THADA: variants seen among roughly 807,000 people sequenced by gnomAD.
THADA encodes the protein tRNA (32-2'-O)-methyltransferase regulator THADA.
A neutral mutation model predicts 219.8 loss-of-function variants in THADA; 213 were observed. That is an observed-to-expected ratio of 0.97 (90% CI 0.87 to 1.09). THADA has a LOEUF of 1.09. THADA is among the 50% of genes least tolerant of loss of function. The probability of loss-of-function intolerance (pLI) is 0.00; values close to 1 mark genes in which losing one functional copy is unlikely to be tolerated. For missense variants in THADA, 2,956 were observed against 2,311.3 expected (o/e 1.28, Z -5.72); for synonymous variants, 1,018 against 828.9 (o/e 1.23, Z -3.92).
At chr2:43,233,520 T>C (rs1248339010) in intron 36 of THADA, 1 of 152,190 alleles carries the variant, frequency 6.6e-6, no homozygotes, top group African/African-American at 2.4e-5. Flanking sequence ...GTAAAAACCA[T>C]TGATAGCTCA....
intron 36 of THADA, among the ~76,000 whole-genome samples, chr2:43,251,944 G>A (rs568675814): frequency 2.0e-5 from 3 of 152,254 alleles, no homozygotes; most frequent in Admixed American, 1.3e-4. Flanking sequence ...CCCGGCAGAA[G>A]CTACCATTCT....
Position 43,550,492 on chromosome 2 carries a change from G to C in THADA, c.2948-1124C>G, listed in dbSNP as rs537692275. ...AGAATCCTATCCATTCAATTTTACA[G>C]CTTTCAGGGGAGACTTTCCTCATGC... On this transcript the variant is annotated intron_variant, in intron 19 of 37. Coordinates refer to ENST00000405975, the MANE Select transcript of THADA (RefSeq NM_022065.5). Among the ~76,000 whole-genome samples, 5 of 152,292 alleles carry C rather than the reference G, an allele frequency of 3.3e-5. No homozygotes were observed. In the East Asian group the frequency reaches 9.6e-4, roughly 29 times the overall value.
chr2:43,428,933 T>C (rs1678867926), intron 27 of THADA, among the ~76,000 whole-genome samples: 1 of 152,186 alleles, frequency 6.6e-6, no homozygotes, highest in Non-Finnish European at 1.5e-5. Context: ...TAGCATAAAC[T>C]ACTAATGTGA....
chr2:43,432,117 A>C (rs1679428985), intron 26 of THADA, among the ~76,000 whole-genome samples: 1 of 139,284 alleles, frequency 7.2e-6, no homozygotes, highest in South Asian at 2.3e-4. Context: ...CGGCCTCCCA[A>C]AGTGCTGGGA....
At chr2:43,299,529 G>T (rs1391615483) in intron 31 of THADA, among the ~76,000 whole-genome samples, 2 of 151,916 alleles carry the variant, frequency 1.3e-5, no homozygotes, top group Non-Finnish European at 2.9e-5. Context: ...GGGCGTGATG[G>T]TGGGCACCTG....
In THADA at chr2:43,231,005, C is replaced by T; in HGVS notation, c.5805G>A (p.Trp1935Ter). ...EGEDTLVLSV[W>*]DSYAESRQLT... ...ACTGCCTCGATTCTGCATAAGAGTC[C>T]CAAACACTGAGAACTAGGGTGTCTT... Residue 1935 changes from tryptophan to a stop codon, truncating the protein, a stop_gained, in exon 38 of 38, where the codon TGG becomes TGA. Transcript: ENST00000405975. LOFTEE classifies it high-confidence loss of function. 6.2e-7 allele frequency: 1 copy of T among 1,613,916 alleles called. No homozygotes were observed. The highest frequency in any genetic ancestry group is 1.1e-5 in the South Asian group (1 of 91,064).
intron 34 of THADA, among the ~76,000 whole-genome samples, chr2:43,287,866 C>T (rs938353847): frequency 3.3e-5 from 5 of 152,296 alleles, no homozygotes; most frequent in East Asian, 1.9e-4. Flanking sequence ...GAAGTAGTAT[C>T]TGTGCACTTT....
chr2:43,328,408 T>C lies in THADA; in HGVS notation c.4344-7868A>G, dbSNP rs1482396849. Among the ~76,000 whole-genome samples, 4 of 152,326 alleles carry C rather than the reference T, an allele frequency of 2.6e-5. 1 individual carries two copies. Among genetic ancestry groups the C allele is most frequent in the African/African-American group, 9.6e-5 (4 of 41,568 alleles). On this transcript the variant is annotated intron_variant, in intron 30 of 37. Transcript: ENST00000405975. ...TGCCCCAACATCCATCCTGCCTTTC[T>C]TGGTCTGGAGCTTTGTGAGTGTTTA...
At chr2:43,233,124 A>G in intron 36 of THADA, 1 of 497,122 alleles carries the variant, frequency 2.0e-6, no homozygotes, top group Non-Finnish European at 3.6e-6. Flanking sequence ...CTCAGTGTGG[A>G]CAGAAGCAGT....
intron 22 of THADA, among the ~76,000 whole-genome samples, chr2:43,516,670 G>C (rs554698327): frequency 6.6e-6 from 1 of 152,284 alleles, no homozygotes; most frequent in South Asian, 2.1e-4. Context: ...ACGTGGCAGA[G>C]GGAGAATTAA....
intron 29 of THADA, among the ~76,000 whole-genome samples, chr2:43,375,655 TC>T (rs1199111199): frequency 1.3e-5 from 2 of 152,216 alleles, no homozygotes; most frequent in Non-Finnish European, 2.9e-5. Context: ...GTTTTCTTTT[TC>T]TAAATACAAG....
intron 25 of THADA, chr2:43,486,380 C>A (rs1477960359): frequency 2.0e-5 from 3 of 152,100 alleles, no homozygotes; most frequent in Admixed American, 2.0e-4. Flanking sequence ...TGTTTTGGCA[C>A]TATAGGCTTC....
intron 22 of THADA, among the ~76,000 whole-genome samples, chr2:43,521,084 A>AAGGGAAGGGAGGAAAGAG (rs1692395559): frequency 8.0e-6 from 1 of 124,996 alleles, no homozygotes; most frequent in African/African-American, 3.0e-5. Flanking sequence ...GAAGGGAAGG[A>AAGGGAAGGGAGGAAAGAG]AGGGAAGGGA....
intron 28 of THADA, among the ~76,000 whole-genome samples, chr2:43,403,176 C>T (rs138660570): frequency 6.6e-6 from 1 of 152,312 alleles, no homozygotes; most frequent in Non-Finnish European, 1.5e-5. Flanking sequence ...TGTCTACCTA[C>T]AAAATTCAGT....
intron 22 of THADA, among the ~76,000 whole-genome samples, chr2:43,514,889 T>TATA (rs552740655): frequency 1.5e-5 from 1 of 67,956 alleles, no homozygotes; most frequent in African/African-American, 6.6e-5. Context: ...ATGTATAATA[T>TATA]ATATTTTATG....
intron 26 of THADA, among the ~76,000 whole-genome samples, chr2:43,483,475 A>C (rs1231073979): frequency 6.6e-6 from 1 of 152,206 alleles, no homozygotes; most frequent in African/African-American, 2.4e-5. Context: ...AGCCTTGTAC[A>C]CATAATGGTC....
At chr2:43,482,761 C>CA (rs1686389348) in intron 26 of THADA, among the ~76,000 whole-genome samples, 1 of 152,130 alleles carries the variant, frequency 6.6e-6, no homozygotes, top group Admixed American at 6.5e-5. Flanking sequence ...AAGAGCAAGA[C>CA]AATCAGATGA....
chr2:43,337,895 G>A (rs993929245), intron 30 of THADA, among the ~76,000 whole-genome samples: 25 of 151,944 alleles, frequency 1.6e-4, no homozygotes, highest in African/African-American at 5.6e-4. Context: ...TTGAAAAATA[G>A]GCAAAAGTAT....
At chr2:43,509,582 T>C (rs1377578083) in intron 22 of THADA, among the ~76,000 whole-genome samples, 1 of 152,170 alleles carries the variant, frequency 6.6e-6, no homozygotes, top group East Asian at 1.9e-4. Context: ...GGAAGAAAAG[T>C]TGCAGAAAGA....
Sources: gnomAD v4.1 joint callset for allele counts (sites outside exome capture counted in the v4.1 genomes callset) on GRCh38, gnomAD v4.1.1 for gene constraint, MANE v1.5 for transcripts, NCBI Gene and HGNC (gene_info 2026-07-23, HGNC 2026-07-21) for gene names.